The following IGSF11 variants were observed in gnomAD, a reference collection of about 807,000 sequenced individuals.
The protein encoded by IGSF11 is immunoglobulin superfamily member 11, also known as CXADR like 1.
Under a neutral mutation model 41.0 loss-of-function variants are expected in IGSF11, and 22 were observed. The observed-to-expected ratio is 0.54, with a 90% CI of 0.38 to 0.77. The LOEUF (loss-of-function observed/expected upper bound fraction) is 0.77, where lower values mean the gene tolerates loss of function less well. IGSF11 is among the 30% of genes least tolerant of loss of function. The pLI is 0.00. For synonymous variants in IGSF11, 219 were observed against 201.3 expected, an observed-to-expected ratio of 1.09 and a Z score of -0.74; for missense variants, 444 against 530.8, an observed-to-expected ratio of 0.84 and a Z score of 1.61.
chr3:119,145,191 C>A (rs1262852851), intron 1 of IGSF11, among the ~76,000 whole-genome samples: 1 of 152,200 alleles, frequency 6.6e-6, no homozygotes, highest in African/African-American at 2.4e-5. Context: ...AGTCTCATTT[C>A]TAATTGTTTA....
intron 1 of IGSF11, among the ~76,000 whole-genome samples, chr3:119,008,483 A>G (rs1937679822): frequency 6.6e-6 from 1 of 152,242 alleles, no homozygotes; most frequent in Middle Eastern, 3.2e-3. Flanking sequence ...CCTAGGGAGT[A>G]TTCAGAGAGG....
At chr3:119,118,873 C>G (rs1235768921) in intron 1 of IGSF11, among the ~76,000 whole-genome samples, 2 of 152,080 alleles carry the variant, frequency 1.3e-5, no homozygotes, top group Non-Finnish European at 2.9e-5. Context: ...ATCTCTAGGA[C>G]AGGGGCAAAA....
intron 1 of IGSF11, among the ~76,000 whole-genome samples, chr3:118,956,947 G>A (rs1418197083): frequency 1.3e-5 from 2 of 152,116 alleles, no homozygotes; most frequent in Non-Finnish European, 2.9e-5. Flanking sequence ...ATGCCTCTGT[G>A]AGTGTGTTGT....
At chr3:119,092,594 T>C (rs1468464789) in intron 1 of IGSF11, among the ~76,000 whole-genome samples, 1 of 152,076 alleles carries the variant, frequency 6.6e-6, no homozygotes, top group Non-Finnish European at 1.5e-5. Flanking sequence ...CCTCCCAAAG[T>C]GCGGGGATTA....
chr3:118,918,748 G>GA (rs1941438584), intron 4 of IGSF11, among the ~76,000 whole-genome samples: 2 of 134,844 alleles, frequency 1.5e-5, no homozygotes, highest in South Asian at 2.8e-4. Context: ...CACAGAATTG[G>GA]AAAAAACTAC....
chr3:118,945,409 T>C (rs1031670801), intron 1 of IGSF11, among the ~76,000 whole-genome samples: 2 of 152,234 alleles, frequency 1.3e-5, no homozygotes, highest in Non-Finnish European at 2.9e-5. Context: ...ATTACATATC[T>C]ATGCTTTCCA....
chr3:118,989,340 T>A (rs1219060339), intron 1 of IGSF11, among the ~76,000 whole-genome samples: 1 of 142,682 alleles, frequency 7.0e-6, no homozygotes, highest in Non-Finnish European at 1.5e-5. Flanking sequence ...AGTAAATATA[T>A]AGAAAACCTT....
At chr3:118,906,072 A>G (rs757771203) in intron 4 of IGSF11, among the ~76,000 whole-genome samples, 15 of 152,224 alleles carry the variant, frequency 9.9e-5, no homozygotes, top group Non-Finnish European at 2.1e-4. Context: ...AGGAACTGCA[A>G]TAACATAAAG....
intron 1 of IGSF11, among the ~76,000 whole-genome samples, chr3:118,933,294 G>C (rs1163489343): frequency 1.3e-5 from 2 of 152,032 alleles, no homozygotes; most frequent in African/African-American, 4.8e-5. Context: ...TGAGTCTGTT[G>C]CTTCATCTGT....
chr3:119,078,088 T>C (rs1198196134), intron 1 of IGSF11, among the ~76,000 whole-genome samples: 1 of 152,108 alleles, frequency 6.6e-6, no homozygotes, highest in African/African-American at 2.4e-5. Context: ...AATATGGCCA[T>C]ACAGCCCAGA....
chr3:118,910,814 T>C (rs993866890), intron 4 of IGSF11, among the ~76,000 whole-genome samples: 8 of 152,180 alleles, frequency 5.3e-5, no homozygotes, highest in Admixed American at 3.9e-4. Context: ...GTATTTATAA[T>C]ACCCACTTTT....
intron 1 of IGSF11, among the ~76,000 whole-genome samples, chr3:119,020,217 T>C (rs775761683): frequency 6.6e-6 from 1 of 152,154 alleles, no homozygotes; most frequent in African/African-American, 2.4e-5. Context: ...TGCACAGACC[T>C]CTACATTATA....
chr3:119,002,300 C>T (rs1316105739), intron 1 of IGSF11, among the ~76,000 whole-genome samples: 3 of 148,672 alleles, frequency 2.0e-5, no homozygotes, highest in African/African-American at 7.5e-5. Context: ...ATGTCCTTCA[C>T]CCACTTTTTG....
In IGSF11 at chr3:119,020,665, C is replaced by T. The variant is rs1939198672; in HGVS notation, c.52+13866G>A. Among the ~76,000 whole-genome samples the T allele has an allele frequency of 3.3e-5, 5 of 152,348 alleles. No individual in the cohort carries two copies. In the South Asian group the frequency reaches 8.3e-4, roughly 25 times the overall value. ...ATAAACCCTCAGTTGTTCCTTTTCT[C>T]CTTACAAACTATTGAATACATAAGA... On this transcript the variant is annotated intron_variant, in intron 1 of 6. Coordinates refer to ENST00000393775, the MANE Select transcript of IGSF11 (RefSeq NM_001015887.3).
rs138756612 is a variant in IGSF11, at chr3:119,033,857, T to C, written c.52+674A>G. ...AAATGTAAGAAAGATTAAGCAGAGA[T>C]TAAAAGCTAAATTTATAAACAGATG... On this transcript the variant is annotated intron_variant, in intron 1 of 6. Transcript: ENST00000393775. 1.2e-4 allele frequency among the ~76,000 whole-genome samples: 18 copies of C among 152,288 alleles called. No individual in the cohort carries two copies. The East Asian group carries it at 3.5e-3, about 29-fold the overall frequency.
chr3:119,117,063 C>T (rs567249558), intron 1 of IGSF11, among the ~76,000 whole-genome samples: 21 of 152,196 alleles, frequency 1.4e-4, no homozygotes, highest in African/African-American at 4.6e-4. Flanking sequence ...AACTTCATCT[C>T]GCACATAACA....
intron 1 of IGSF11, among the ~76,000 whole-genome samples, chr3:118,997,994 C>T (rs1229715603): frequency 6.6e-6 from 1 of 152,150 alleles, no homozygotes; most frequent in African/African-American, 2.4e-5. Context: ...TAATTTCTGC[C>T]AACATCAGTG....
At chr3:119,128,396 G>A (rs561772790) in intron 1 of IGSF11, among the ~76,000 whole-genome samples, 1 of 151,976 alleles carries the variant, frequency 6.6e-6, no homozygotes, top group Admixed American at 6.6e-5. Context: ...GAAAGAGAGA[G>A]AGAGAAAGGA....
At chr3:119,111,781 C>T (rs1316053204) in intron 1 of IGSF11, among the ~76,000 whole-genome samples, 1 of 151,806 alleles carries the variant, frequency 6.6e-6, no homozygotes, top group Non-Finnish European at 1.5e-5. Context: ...TGTGGATGTT[C>T]TTTCTGTTTG....
Sources: allele counts gnomAD v4.1 joint callset (sites outside exome capture counted in the v4.1 genomes callset), GRCh38; gene constraint gnomAD v4.1.1; transcripts MANE v1.5; gene names NCBI Gene and HGNC (gene_info 2026-07-23, HGNC 2026-07-21).